AFG2A: variants seen among roughly 807,000 people sequenced by gnomAD.
AFG2A encodes the protein ATPase family gene 2 protein homolog A.
chr4:123,311,902 G>T, the AFG2A span, among the ~76,000 whole-genome samples: 4 of 152,272 alleles, frequency 2.6e-5, no homozygotes, highest in African/African-American at 9.6e-5. Flanking sequence ...TCTGACAATT[G>T]GTTCCCTTCC....
chr4:123,126,621 G>A, the AFG2A span, among the ~76,000 whole-genome samples: 1 of 152,112 alleles, frequency 6.6e-6, no homozygotes, highest in East Asian at 1.9e-4. Flanking sequence ...GATAGTCAGT[G>A]AGTTCTCATG....
chr4:123,210,674 G>A, the AFG2A span, among the ~76,000 whole-genome samples: 1 of 151,550 alleles, frequency 6.6e-6, no homozygotes, highest in Non-Finnish European at 1.5e-5. Flanking sequence ...TTGATATACT[G>A]ATTTCTTTTC....
the AFG2A span, among the ~76,000 whole-genome samples, chr4:122,986,384 G>A: frequency 5.3e-5 from 8 of 152,064 alleles, no homozygotes; most frequent in African/African-American, 9.7e-5. Context: ...CTGAAGTCCC[G>A]TACTATTATT....
At chr4:123,141,898 G>A in the AFG2A span, among the ~76,000 whole-genome samples, 3 of 152,066 alleles carry the variant, frequency 2.0e-5, no homozygotes, top group Admixed American at 6.6e-5. Context: ...TGTAGCAAAC[G>A]TGACCCCTCC....
the AFG2A span, among the ~76,000 whole-genome samples, chr4:123,108,246 T>C: frequency 0.017 from 2,521 of 152,342 alleles, 29 homozygotes; most frequent in African/African-American, 0.029. Flanking sequence ...TTTGATTTCT[T>C]AATAAAAATT....
the AFG2A span, among the ~76,000 whole-genome samples, chr4:123,301,796 G>A: frequency 6.6e-6 from 1 of 152,162 alleles, no homozygotes. Context: ...AAATCATTTA[G>A]GGATGCCAAG....
At chr4:123,116,854 A>G in the AFG2A span, among the ~76,000 whole-genome samples, 12 of 152,134 alleles carry the variant, frequency 7.9e-5, no homozygotes, top group Admixed American at 7.9e-4. Context: ...AGAAATTTGT[A>G]TTATTTTTTA....
the AFG2A span, chr4:122,938,192 T>C: frequency 1.9e-5 from 30 of 1,610,488 alleles, no homozygotes; most frequent in Non-Finnish European, 2.3e-5. Context: ...GGGCCCAGAA[T>C]GAAGTGGAAA....
the AFG2A span, among the ~76,000 whole-genome samples, chr4:123,175,072 C>T: frequency 6.6e-6 from 1 of 152,028 alleles, no homozygotes; most frequent in African/African-American, 2.4e-5. Context: ...AGCCATCATG[C>T]CCAGCCTATT....
chr4:123,028,473 G>A, the AFG2A span: 1 of 1,224,360 alleles, frequency 8.2e-7, no homozygotes, highest in Non-Finnish European at 1.2e-6. Flanking sequence ...ACCTTTAGGA[G>A]AACGAATAAA....
chr4:123,143,823 T>TTC, the AFG2A span, among the ~76,000 whole-genome samples: 2 of 116,784 alleles, frequency 1.7e-5, no homozygotes, highest in African/African-American at 2.8e-5. Flanking sequence ...ATGCATAAAC[T>TTC]TCTCTCTCTT....
At chr4:122,977,149 G>T in the AFG2A span, among the ~76,000 whole-genome samples, 3 of 152,128 alleles carry the variant, frequency 2.0e-5, no homozygotes, top group Non-Finnish European at 4.4e-5. Flanking sequence ...GATCCTTAGG[G>T]TGTCACTTTT....
the AFG2A span, among the ~76,000 whole-genome samples, chr4:123,013,888 T>C: frequency 6.6e-6 from 1 of 152,162 alleles, no homozygotes; most frequent in Non-Finnish European, 1.5e-5. Context: ...TACACACATA[T>C]AGAAAAAATA....
chr4:123,017,414 A>ATTTTTTTTTTTTTTTTTTTTTTTTT, the AFG2A span, among the ~76,000 whole-genome samples: 1 of 74,730 alleles, frequency 1.3e-5, no homozygotes, highest in African/African-American at 7.0e-5. Context: ...AGCATGGGAA[A>ATTTTTTTTTTTTTTTTTTTTTTTTT]TTTTTTTTTT....
chr4:123,210,827 C>T, the AFG2A span, among the ~76,000 whole-genome samples: 104,415 of 151,850 alleles, frequency 0.69, 36,366 homozygotes, highest in Non-Finnish European at 0.73. Context: ...GAAAAAGGGA[C>T]CCCTTTTTTC....
the AFG2A span, among the ~76,000 whole-genome samples, chr4:123,193,127 A>G: frequency 1.3e-3 from 193 of 152,316 alleles, no homozygotes; most frequent in Non-Finnish European, 2.2e-3. Flanking sequence ...TTGCTGAAAC[A>G]TGATTTGTCA....
the AFG2A span, among the ~76,000 whole-genome samples, chr4:123,032,317 G>C: frequency 6.6e-6 from 1 of 152,150 alleles, no homozygotes; most frequent in Non-Finnish European, 1.5e-5. Flanking sequence ...ATTTAAGATG[G>C]ATTTACTTAA....
the AFG2A span, among the ~76,000 whole-genome samples, chr4:123,063,692 G>A: frequency 6.6e-6 from 1 of 151,942 alleles, no homozygotes; most frequent in African/African-American, 2.4e-5. Flanking sequence ...CTTGCAGTGA[G>A]CTGAGATCGC....
chr4:123,160,015 C>A, the AFG2A span, among the ~76,000 whole-genome samples: 1 of 151,356 alleles, frequency 6.6e-6, no homozygotes, highest in Admixed American at 6.6e-5. Flanking sequence ...AAAATCTTGT[C>A]TTTTTGTTGT....
Sources: allele counts gnomAD v4.1 joint callset (sites outside exome capture counted in the v4.1 genomes callset), GRCh38; gene constraint gnomAD v4.1.1; transcripts MANE v1.5; gene names NCBI Gene and HGNC (gene_info 2026-07-23, HGNC 2026-07-21).